Variants in PRELID2 observed in about 807,000 individuals in gnomAD.
The protein encoded by PRELID2 is PRELI domain-containing protein 2.
In PRELID2, 25 loss-of-function variants were observed where a neutral mutation model predicts 28.4. The ratio of observed to expected loss-of-function variants is 0.88; its 90% confidence interval spans 0.64 to 1.23. The LOEUF (loss-of-function observed/expected upper bound fraction) is 1.23. PRELID2 is among the 50% of genes most tolerant of loss of function. PRELID2 has a pLI of 0.00. For synonymous variants in PRELID2, 76 were observed against 71.6 expected, an observed-to-expected ratio of 1.06 and a Z score of -0.31; for missense variants, 201 against 214.4, an observed-to-expected ratio of 0.94 and a Z score of 0.39.
At chr5:145,651,757 G>A (rs922089588) in intron 1 of PRELID2, among the ~76,000 whole-genome samples, 7 of 152,112 alleles carry the variant, frequency 4.6e-5, no homozygotes, top group East Asian at 3.9e-4. Context: ...CCATCTGCAC[G>A]TCACCATCAT....
At chr5:145,460,132 T>A in the PRELID2 span, among the ~76,000 whole-genome samples, 1 of 152,084 alleles carries the variant, frequency 6.6e-6, no homozygotes, top group East Asian at 1.9e-4. Context: ...ACATAAAAAA[T>A]GACCAAGAGT....
At chr5:145,763,055 CA>C (rs1757548601) in intron 6 of PRELID2, among the ~76,000 whole-genome samples, 1 of 152,234 alleles carries the variant, frequency 6.6e-6, no homozygotes, top group Non-Finnish European at 1.5e-5. Context: ...TCTGTGTTAA[CA>C]AATCCTCCAG....
chr5:145,593,470 T>TTG (rs1753259200), intron 1 of PRELID2, among the ~76,000 whole-genome samples: 1 of 152,032 alleles, frequency 6.6e-6, no homozygotes, highest in Non-Finnish European at 1.5e-5. Context: ...GCAACTGGAG[T>TTG]CCATTGCAAT....
At chr5:145,315,545 GGT>G in the PRELID2 span, among the ~76,000 whole-genome samples, 9,180 of 142,664 alleles carry the variant, frequency 0.064, 322 homozygotes, top group East Asian at 0.097. Flanking sequence ...GCTCTTTCAG[GGT>G]GTGTGTGTGT....
chr5:145,537,096 T>C (rs1752706270), intron 1 of PRELID2, among the ~76,000 whole-genome samples: 2 of 151,950 alleles, frequency 1.3e-5, no homozygotes, highest in Admixed American at 1.3e-4. Flanking sequence ...ACGTTTTCTA[T>C]GCATAGTTTT....
At chr5:145,332,412 G>A in the PRELID2 span, among the ~76,000 whole-genome samples, 1 of 152,096 alleles carries the variant, frequency 6.6e-6, no homozygotes, top group Non-Finnish European at 1.5e-5. Flanking sequence ...CCAATCAAAC[G>A]TGAGTTTGGT....
At position 145,822,972 on chromosome 5, in the gene PRELID2, T is replaced by TC. The variant is rs200781099; in HGVS notation, c.133+104_133+105insG. On this transcript the variant is annotated intron_variant, in intron 2 of 6. Coordinates refer to ENST00000683046, the MANE Select transcript of PRELID2 (RefSeq NM_205846.3). ...AATGGAAGAAACTGCAGGTGAACAA[T>TC]TTTTTAAAAAAAACCTAATAGGCCA... 1.9e-3 allele frequency: 1,089 copies of TC among 588,566 alleles called. 15 individuals are homozygous for TC. The East Asian group carries it at 0.029, about 15-fold the overall frequency. The allele number at this position is 588,566 out of a possible 1,614,324, so 36.5% of individuals were successfully genotyped here.
intron 1 of PRELID2, among the ~76,000 whole-genome samples, chr5:145,553,866 A>T (rs892772680): frequency 1.3e-5 from 2 of 152,200 alleles, no homozygotes; most frequent in Non-Finnish European, 2.9e-5. Flanking sequence ...CAGCCCTTAG[A>T]TGATAAAGGA....
At chr5:145,690,341 C>A (rs930831723) in intron 1 of PRELID2, among the ~76,000 whole-genome samples, 2 of 152,136 alleles carry the variant, frequency 1.3e-5, no homozygotes, top group East Asian at 1.9e-4. Flanking sequence ...AGTTCCAATT[C>A]AGTTTAGCAG....
At chr5:145,580,294 C>G (rs1310363420) in intron 1 of PRELID2, among the ~76,000 whole-genome samples, 1 of 151,656 alleles carries the variant, frequency 6.6e-6, no homozygotes, top group African/African-American at 2.4e-5. Flanking sequence ...ATATGGTAAA[C>G]AGAAGCCACC....
chr5:145,297,178 C>T, the PRELID2 span, among the ~76,000 whole-genome samples: 12,695 of 151,872 alleles, frequency 0.084, 951 homozygotes, highest in African/African-American at 0.21. Context: ...TTTTGCTGTG[C>T]AGAAGCTCTT....
At chr5:145,631,327 T>A (rs1017292845) in intron 1 of PRELID2, among the ~76,000 whole-genome samples, 4 of 152,194 alleles carry the variant, frequency 2.6e-5, no homozygotes, top group Non-Finnish European at 5.9e-5. Flanking sequence ...CAAGAAACAG[T>A]GTGGCTGTGT....
At chr5:145,408,415 A>ATATG in the PRELID2 span, among the ~76,000 whole-genome samples, 1 of 144,042 alleles carries the variant, frequency 6.9e-6, no homozygotes, top group East Asian at 2.0e-4. Context: ...ATATATATAT[A>ATATG]TATGTATAAT....
chr5:145,503,422 C>T lies in PRELID2; in HGVS notation n.71-30107G>A, dbSNP rs185309371. Among the ~76,000 whole-genome samples the T allele has an allele frequency of 4.5e-3, 687 of 152,222 alleles. 25 individuals are homozygous for T. The highest frequency in any genetic ancestry group is 0.042 in the Admixed American group (643 of 15,284). ...ATATTTGGACCACAGAACGTGATAT[C>T]AGTGTTCAGACGTTTAAAACAATAG... On this transcript the variant is annotated intron_variant and non_coding_transcript_variant, in intron 1 of 2. Transcript: ENST00000510259.
At chr5:145,781,999 G>A (rs73304101) in intron 5 of PRELID2, among the ~76,000 whole-genome samples, 5,023 of 152,076 alleles carry the variant, frequency 0.033, 269 homozygotes, top group African/African-American at 0.11. Flanking sequence ...TAGATTGGTT[G>A]GAATTTCCAT....
the PRELID2 span, among the ~76,000 whole-genome samples, chr5:145,414,459 T>C: frequency 3.9e-5 from 6 of 152,198 alleles, no homozygotes; most frequent in African/African-American, 1.4e-4. Flanking sequence ...GTAGTTACCC[T>C]CTTTACTTAT....
intron 5 of PRELID2, among the ~76,000 whole-genome samples, chr5:145,774,931 ACACT>A (rs1183373164): frequency 2.0e-5 from 3 of 152,176 alleles, no homozygotes; most frequent in South Asian, 2.1e-4. Context: ...GTGACCAAAG[ACACT>A]CAATTAATAA....
intron 1 of PRELID2, among the ~76,000 whole-genome samples, chr5:145,533,147 C>T (rs1421553749): frequency 1.3e-5 from 2 of 152,024 alleles, no homozygotes; most frequent in African/African-American, 2.4e-5. Flanking sequence ...ACCACTATTT[C>T]CAACAACACC....
the PRELID2 span, among the ~76,000 whole-genome samples, chr5:145,420,211 C>T: frequency 7.2e-5 from 11 of 152,044 alleles, no homozygotes; most frequent in South Asian, 2.1e-4. Flanking sequence ...CTTGGCGATG[C>T]GGGCTCTTTT....
Sources: allele counts gnomAD v4.1 joint callset (sites outside exome capture counted in the v4.1 genomes callset), GRCh38; gene constraint gnomAD v4.1.1; transcripts MANE v1.5; gene names NCBI Gene and HGNC (gene_info 2026-07-23, HGNC 2026-07-21).